Variants in ZNF138 observed in about 807,000 individuals in gnomAD.
ZNF138 encodes zinc finger protein 138 (clone pHZ-32).
A neutral mutation model predicts 33.0 loss-of-function variants in ZNF138; 33 were observed. That is an observed-to-expected ratio of 1.00 (90% CI 0.76 to 1.34). The LOEUF is 1.34. ZNF138 is among the 40% of genes most tolerant of loss of function. ZNF138 has a pLI of 0.00. For missense variants in ZNF138, 360 were observed against 370.8 expected, an observed-to-expected ratio of 0.97 and a Z score of 0.24; for synonymous variants, 139 against 120.4, an observed-to-expected ratio of 1.15 and a Z score of -1.01.
intron 3 of ZNF138, among the ~76,000 whole-genome samples, chr7:64,822,461 TA>T (rs1355213720): frequency 6.6e-6 from 1 of 151,682 alleles, no homozygotes; most frequent in South Asian, 2.1e-4. Flanking sequence ...TTTAAAAAAA[TA>T]TTTTTTGTAT....
chr7:64,804,113 C>A (rs1325789939), intron 1 of ZNF138, among the ~76,000 whole-genome samples: 7 of 152,270 alleles, frequency 4.6e-5, no homozygotes, highest in Non-Finnish European at 7.4e-5. Flanking sequence ...GTCTCATGCC[C>A]AATTTCTGCC....
At chr7:64,816,609 A>G (rs1488020307) in intron 3 of ZNF138, among the ~76,000 whole-genome samples, 1 of 152,124 alleles carries the variant, frequency 6.6e-6, no homozygotes, top group Non-Finnish European at 1.5e-5. Flanking sequence ...TTTTTAATAT[A>G]TTAGATCACA....
intron 1 of ZNF138, among the ~76,000 whole-genome samples, chr7:64,812,319 G>A (rs536117601): frequency 2.0e-5 from 3 of 151,556 alleles, no homozygotes; most frequent in African/African-American, 7.3e-5. Context: ...CCACACGCCC[G>A]GCTAATTTTT....
At position 64,833,428 on chromosome 7, in the gene ZNF138, A is replaced by T. The variant is rs1562929951; in HGVS notation, c.*1226A>T. 1 of 160,316 alleles carries T rather than the reference A, an allele frequency of 6.2e-6. No homozygotes were observed. 9.9% of individuals were successfully genotyped at this position (160,316 alleles called of 1,614,324 possible). Reference sequence around the variant, plus strand: ...TTATAAAAATGTGAAGAATGTGACAAAGCCTTTAAATGGTTGTCACACTTG... The same window carrying T: ...TTATAAAAATGTGAAGAATGTGACATAGCCTTTAAATGGTTGTCACACTTG... On this transcript the variant is annotated 3_prime_UTR_variant, in exon 4 of 4. Transcript: ENST00000307355.
At chr7:64,839,743 G>A in the ZNF138 span, among the ~76,000 whole-genome samples, 4 of 152,248 alleles carry the variant, frequency 2.6e-5, no homozygotes, top group East Asian at 5.8e-4. Flanking sequence ...GGCCTGATCC[G>A]ACCAGGAGGG....
chr7:64,797,451 G>A (rs886272892), intron 1 of ZNF138, among the ~76,000 whole-genome samples: 3 of 152,080 alleles, frequency 2.0e-5, no homozygotes, highest in East Asian at 1.9e-4. Flanking sequence ...GAACAACTCC[G>A]ACATGGAAAT....
the ZNF138 span, among the ~76,000 whole-genome samples, chr7:64,844,234 CTGT>C: frequency 6.6e-6 from 1 of 152,192 alleles, no homozygotes; most frequent in Non-Finnish European, 1.5e-5. Flanking sequence ...TGTGCCCAAC[CTGT>C]TGTTATTATT....
intron 3 of ZNF138, among the ~76,000 whole-genome samples, chr7:64,817,928 A>G (rs1021656846): frequency 6.6e-6 from 1 of 151,898 alleles, no homozygotes; most frequent in Admixed American, 6.6e-5. Flanking sequence ...GGTAAAGAGG[A>G]ATTACAGGAT....
intron 1 of ZNF138, among the ~76,000 whole-genome samples, chr7:64,800,693 T>C (rs1049832598): frequency 6.6e-6 from 1 of 152,204 alleles, no homozygotes; most frequent in Non-Finnish European, 1.5e-5. Context: ...GATGCTGTTC[T>C]TACCTAATGA....
At chr7:64,823,377 C>T (rs1789322396) in intron 3 of ZNF138, among the ~76,000 whole-genome samples, 1 of 151,894 alleles carries the variant, frequency 6.6e-6, no homozygotes, top group Non-Finnish European at 1.5e-5. Context: ...ACTATGTCAC[C>T]CAGGCTGGAG....
chr7:64,837,061 C>G (rs904683612), downstream of ZNF138, among the ~76,000 whole-genome samples: 4 of 152,160 alleles, frequency 2.6e-5, no homozygotes, highest in East Asian at 7.7e-4. Flanking sequence ...TAGGGAATGA[C>G]CAGCTTTCCT....
intron 3 of ZNF138, among the ~76,000 whole-genome samples, chr7:64,822,462 A>G (rs1008552713): frequency 1.3e-5 from 2 of 151,452 alleles, no homozygotes; most frequent in Non-Finnish European, 2.9e-5. Context: ...TTAAAAAAAT[A>G]TTTTTTGTAT....
At chr7:64,815,852 G>C (rs1245568691) in intron 3 of ZNF138, among the ~76,000 whole-genome samples, 199 bp downstream of exon 3, 2 of 132,276 alleles carry the variant, frequency 1.5e-5, no homozygotes, top group Non-Finnish European at 3.2e-5. Flanking sequence ...TTTCCCTTTG[G>C]TGATCTTTCT....
chr7:64,811,250 A>G (rs1583823822), intron 1 of ZNF138, among the ~76,000 whole-genome samples: 1 of 152,228 alleles, frequency 6.6e-6, no homozygotes, highest in Non-Finnish European at 1.5e-5. Flanking sequence ...TAAATCATGT[A>G]ATGTGTTATT....
intron 1 of ZNF138, among the ~76,000 whole-genome samples, chr7:64,795,789 C>T (rs1254957871): frequency 6.6e-6 from 1 of 151,658 alleles, no homozygotes; most frequent in African/African-American, 2.4e-5. Flanking sequence ...CTTAGTCACT[C>T]TTCAGTTTTT....
intron 3 of ZNF138, among the ~76,000 whole-genome samples, chr7:64,818,743 C>T (rs1732662220): frequency 6.7e-6 from 1 of 149,392 alleles, no homozygotes; most frequent in Non-Finnish European, 1.5e-5. Context: ...GAGCGAGACT[C>T]CATCTAAAAA....
downstream of ZNF138, among the ~76,000 whole-genome samples, chr7:64,838,407 C>T (rs1034335810): frequency 7.2e-4 from 3 of 4,186 alleles, no homozygotes; most frequent in Non-Finnish European, 0.045. Context: ...GCTAGGGCAC[C>T]GGCTGGCCGT....
chr7:64,830,075 T>C (rs953055679), intron 3 of ZNF138, among the ~76,000 whole-genome samples: 2 of 152,142 alleles, frequency 1.3e-5, no homozygotes, highest in Non-Finnish European at 2.9e-5. Flanking sequence ...TTCAGGACTT[T>C]GATTATGTCA....
chr7:64,794,807 C>T (rs1405368347), intron 1 of ZNF138, among the ~76,000 whole-genome samples: 3 of 152,150 alleles, frequency 2.0e-5, no homozygotes, highest in Non-Finnish European at 2.9e-5. Flanking sequence ...TGGCCTGGAG[C>T]CCTCTCTGAG....
Sources: allele counts gnomAD v4.1 joint callset (sites outside exome capture counted in the v4.1 genomes callset), GRCh38; gene constraint gnomAD v4.1.1; transcripts MANE v1.5; gene names NCBI Gene and HGNC (gene_info 2026-07-23, HGNC 2026-07-21).